Variants in PPFIBP2 observed in about 807,000 individuals in gnomAD.
The protein encoded by PPFIBP2 is liprin-beta-2.
A neutral mutation model predicts 118.3 loss-of-function variants in PPFIBP2; 118 were observed. That is an observed-to-expected ratio of 1.00 (90% CI 0.86 to 1.16). PPFIBP2 has a LOEUF of 1.16. PPFIBP2 is among the 50% of genes most tolerant of loss of function. The pLI, the probability that PPFIBP2 is intolerant of heterozygous loss-of-function variation, is 0.00. For synonymous variants in PPFIBP2, 414 were observed against 397.4 expected, an observed-to-expected ratio of 1.04 and a Z score of -0.50; for missense variants, 1,195 against 1,073.1, an observed-to-expected ratio of 1.11 and a Z score of -1.59.
chr11:7,645,746 C>T (rs1852961517), intron 17 of PPFIBP2, among the ~76,000 whole-genome samples: 2 of 151,944 alleles, frequency 1.3e-5, no homozygotes, highest in African/African-American at 4.8e-5. Context: ...TTGAAAAGGT[C>T]GATAGCACAG....
chr11:7,613,749 G>A (rs1055147329), intron 6 of PPFIBP2, among the ~76,000 whole-genome samples: 4 of 152,190 alleles, frequency 2.6e-5, no homozygotes, highest in African/African-American at 9.6e-5. Flanking sequence ...TCTCCATGCT[G>A]TGGAGGTGCC....
At chr11:7,628,714 A>G (rs1006559751) in intron 9 of PPFIBP2, among the ~76,000 whole-genome samples, 1 of 152,330 alleles carries the variant, frequency 6.6e-6, no homozygotes, top group African/African-American at 2.4e-5. Flanking sequence ...ACCATCATAG[A>G]GACACTTGGC....
chr11:7,591,965 T>C (rs1282090617), intron 3 of PPFIBP2, among the ~76,000 whole-genome samples: 3 of 152,038 alleles, frequency 2.0e-5, no homozygotes, highest in Admixed American at 6.5e-5. Flanking sequence ...ATGCTAAAAG[T>C]TGAAATGTGG....
chr11:7,589,988 T>C (rs1225386264), intron 3 of PPFIBP2, among the ~76,000 whole-genome samples: 6 of 152,266 alleles, frequency 3.9e-5, no homozygotes. Flanking sequence ...ACAAAGCTTA[T>C]TATGCCTTGA....
intron 1 of PPFIBP2, among the ~76,000 whole-genome samples, chr11:7,543,302 G>C (rs1189468462): frequency 6.6e-6 from 1 of 152,178 alleles, no homozygotes; most frequent in African/African-American, 2.4e-5. Context: ...GTAAATTATT[G>C]GGAAAAGACT....
At chr11:7,620,665 A>G (rs1849239867) in intron 6 of PPFIBP2, among the ~76,000 whole-genome samples, 1 of 152,232 alleles carries the variant, frequency 6.6e-6, no homozygotes. Flanking sequence ...CATACCCCAC[A>G]GAGGACATAG....
chr11:7,643,612 A>C (rs1200340595), intron 17 of PPFIBP2, among the ~76,000 whole-genome samples: 2 of 152,222 alleles, frequency 1.3e-5, no homozygotes, highest in Non-Finnish European at 2.9e-5. Flanking sequence ...TAATGGTGCA[A>C]AATGAATTTG....
At chr11:7,556,700 C>T (rs755504562) in intron 2 of PPFIBP2, among the ~76,000 whole-genome samples, 3 of 152,180 alleles carry the variant, frequency 2.0e-5, no homozygotes, top group Admixed American at 6.5e-5. Context: ...TTGTATTAGT[C>T]GTCATTTGAA....
the PPFIBP2 span, chr11:7,666,605 G>T: frequency 1.5e-6 from 2 of 1,320,312 alleles, no homozygotes; most frequent in Non-Finnish European, 2.2e-6. Flanking sequence ...CTTGTTCCCT[G>T]GACTGACTAC....
At chr11:7,581,823 A>G (rs1406493085) in intron 3 of PPFIBP2, among the ~76,000 whole-genome samples, 1 of 151,540 alleles carries the variant, frequency 6.6e-6, no homozygotes, top group Non-Finnish European at 1.5e-5. Context: ...ACAATTCTAT[A>G]GATAGATAGA....
chr11:7,542,196 TC>T (rs1851860729), intron 1 of PPFIBP2, among the ~76,000 whole-genome samples: 1 of 152,220 alleles, frequency 6.6e-6, no homozygotes, highest in African/African-American at 2.4e-5. Flanking sequence ...AATTGCCTAA[TC>T]TGTTTTCTCA....
chr11:7,610,729 T>G (rs978209223), intron 6 of PPFIBP2, among the ~76,000 whole-genome samples: 1 of 152,204 alleles, frequency 6.6e-6, no homozygotes, highest in African/African-American at 2.4e-5. Context: ...AGATGTCTTC[T>G]GTGAGAACCA....
At chr11:7,652,651 G>A (rs1385007788) in intron 23 of PPFIBP2, among the ~76,000 whole-genome samples, 1 of 152,236 alleles carries the variant, frequency 6.6e-6, no homozygotes, top group South Asian at 2.1e-4. Context: ...AGATGGGAAA[G>A]GGTTGGGGTG....
chr11:7,657,653 G>C (rs748556229), downstream of PPFIBP2, among the ~76,000 whole-genome samples: 6 of 152,066 alleles, frequency 3.9e-5, no homozygotes, highest in African/African-American at 9.7e-5. Flanking sequence ...CCCTCCAGGC[G>C]TCTGCTCAGG....
At chr11:7,656,845 G>A, downstream of PPFIBP2, 1 of 1,266,762 alleles carries the variant, frequency 7.9e-7, no homozygotes, top group Non-Finnish European at 1.0e-6. Flanking sequence ...GGGGGCCCCG[G>A]AGCCTTTGCT....
intron 1 of PPFIBP2, among the ~76,000 whole-genome samples, chr11:7,540,252 G>GT (rs904691915): frequency 1.3e-5 from 2 of 152,130 alleles, no homozygotes; most frequent in Non-Finnish European, 2.9e-5. Flanking sequence ...GAGGGGTGTG[G>GT]GGGGGCGGTG....
intron 6 of PPFIBP2, among the ~76,000 whole-genome samples, chr11:7,617,917 C>T (rs1848861763): frequency 6.6e-6 from 1 of 151,810 alleles, no homozygotes; most frequent in Non-Finnish European, 1.5e-5. Context: ...GCTCTCCACA[C>T]GGGGGTAACC....
chr11:7,556,691 T>C lies in PPFIBP2; in HGVS notation c.64+7152T>C, dbSNP rs142307541. Among the ~76,000 whole-genome samples, 1,493 of 152,328 alleles carry C rather than the reference T, an allele frequency of 9.8e-3. 39 individuals carry two copies. Among genetic ancestry groups the C allele is most frequent in the African/African-American group, 0.034 (1,404 of 41,564 alleles). On this transcript the variant is annotated intron_variant, in intron 2 of 23. Coordinates refer to ENST00000299492, the MANE Select transcript of PPFIBP2 (RefSeq NM_003621.5). ...ATTTGATAGTCTGTCAGTAATAGATTGTATTAGTCGTCATTTGAAAAATGT... is the reference window on the plus strand; with the variant it reads ...ATTTGATAGTCTGTCAGTAATAGATCGTATTAGTCGTCATTTGAAAAATGT...
intron 5 of PPFIBP2, chr11:7,605,840 C>A: frequency 7.2e-7 from 1 of 1,380,776 alleles, no homozygotes; most frequent in Admixed American, 3.4e-5. Context: ...GCAAAGCAAA[C>A]ACATTCTGGA....
Sources: gnomAD v4.1 joint callset for allele counts (sites outside exome capture counted in the v4.1 genomes callset) on GRCh38, gnomAD v4.1.1 for gene constraint, MANE v1.5 for transcripts, NCBI Gene and HGNC (gene_info 2026-07-23, HGNC 2026-07-21) for gene names.